The following PDE4D variants were observed in gnomAD, a reference collection of about 807,000 sequenced individuals.
PDE4D encodes phosphodiesterase 4D.
A neutral mutation model predicts 87.4 loss-of-function variants in PDE4D; 24 were observed. The observed-to-expected ratio is 0.27, with a 90% CI of 0.20 to 0.39. The LOEUF (loss-of-function observed/expected upper bound fraction) is 0.39. Ranked by LOEUF, PDE4D falls within the 10% of genes least tolerant of loss-of-function variation. The probability of loss-of-function intolerance (pLI) is 1.00; values close to 1 mark genes in which losing one functional copy is unlikely to be tolerated. For synonymous variants in PDE4D, 384 were observed against 383.2 expected (o/e 1.00, Z -0.02); for missense variants, 714 against 1,041.0 (o/e 0.69, Z 4.32).
chr5:59,560,438 T>C (rs1456868586), intron 1 of PDE4D, among the ~76,000 whole-genome samples: 1 of 152,210 alleles, frequency 6.6e-6, no homozygotes, highest in Non-Finnish European at 1.5e-5. Context: ...AACAAGTATG[T>C]ATTGAACTCC....
intron 1 of PDE4D, among the ~76,000 whole-genome samples, chr5:59,656,494 A>G (rs1744383009): frequency 6.6e-6 from 1 of 152,228 alleles, no homozygotes; most frequent in Non-Finnish European, 1.5e-5. Flanking sequence ...TCCACGTGTC[A>G]TGTGGCTGAC....
upstream of PDE4D, among the ~76,000 whole-genome samples, chr5:59,894,508 C>T (rs1208980525): frequency 1.3e-5 from 2 of 152,198 alleles, no homozygotes; most frequent in African/African-American, 2.4e-5. Flanking sequence ...AATGTTTCCT[C>T]TTGAAGATCT....
At chr5:59,815,181 G>A (rs1358222730) in intron 1 of PDE4D, among the ~76,000 whole-genome samples, 1 of 152,220 alleles carries the variant, frequency 6.6e-6, no homozygotes, top group Admixed American at 6.5e-5. Context: ...ATGTGCCACA[G>A]TCCAGGGGAA....
chr5:59,458,296 A>G (rs1582700753), intron 1 of PDE4D, among the ~76,000 whole-genome samples: 1 of 152,378 alleles, frequency 6.6e-6, no homozygotes, highest in East Asian at 1.9e-4. Flanking sequence ...CTTGCACATC[A>G]TAAGCCTTCA....
intron 2 of PDE4D, among the ~76,000 whole-genome samples, chr5:60,091,851 G>C (rs1300370571): frequency 6.6e-6 from 1 of 151,864 alleles, no homozygotes; most frequent in Non-Finnish European, 1.5e-5. Context: ...AGGAGATCGA[G>C]ACCATCCTGG....
chr5:59,177,313 G>A (rs944345301), intron 5 of PDE4D, among the ~76,000 whole-genome samples: 3 of 152,156 alleles, frequency 2.0e-5, no homozygotes, highest in African/African-American at 7.2e-5. Flanking sequence ...AATTTGTGTT[G>A]TCTATAAGCC....
chr5:59,835,060 A>C (rs567946595), intron 1 of PDE4D, among the ~76,000 whole-genome samples: 108 of 152,220 alleles, frequency 7.1e-4, no homozygotes, highest in Non-Finnish European at 1.3e-3. Flanking sequence ...TGAACAGAGC[A>C]ATGCAATTTA....
intron 1 of PDE4D, among the ~76,000 whole-genome samples, chr5:60,312,714 C>T (rs1029327710): frequency 6.6e-6 from 1 of 152,158 alleles, no homozygotes; most frequent in Non-Finnish European, 1.5e-5. Context: ...AATTACAACT[C>T]AAGGCAAGAT....
intron 1 of PDE4D, among the ~76,000 whole-genome samples, chr5:59,243,967 T>G (rs1163013281): frequency 6.6e-6 from 1 of 152,036 alleles, no homozygotes; most frequent in Non-Finnish European, 1.5e-5. Flanking sequence ...AGAGGAAAAT[T>G]TAAAATGCCC....
chr5:59,116,627 A>G (rs1331459140), intron 5 of PDE4D, among the ~76,000 whole-genome samples: 1 of 152,212 alleles, frequency 6.6e-6, no homozygotes, highest in African/African-American at 2.4e-5. Context: ...GTCAAAAGGA[A>G]GATGCTCTGC....
At chr5:59,918,726 A>G (rs760550010) in intron 3 of PDE4D, among the ~76,000 whole-genome samples, 2 of 152,192 alleles carry the variant, frequency 1.3e-5, no homozygotes, top group Non-Finnish European at 2.9e-5. Flanking sequence ...AACAGCCACC[A>G]AGAAGTTGCG....
At chr5:59,045,670 G>C (rs1760505262) in intron 5 of PDE4D, among the ~76,000 whole-genome samples, 1 of 151,898 alleles carries the variant, frequency 6.6e-6, no homozygotes, top group East Asian at 1.9e-4. Flanking sequence ...TCAGCCACTG[G>C]CCATCTCAAA....
intron 1 of PDE4D, among the ~76,000 whole-genome samples, chr5:59,396,386 G>C (rs538501413): frequency 1.0e-5 from 1 of 95,812 alleles, no homozygotes; most frequent in African/African-American, 5.0e-5. Context: ...CAGATCTCTC[G>C]GCAGAAACCC....
At position 58,974,663 on chromosome 5, in the gene PDE4D, G is replaced by C. The variant is rs1460008046; in HGVS notation, c.*1C>G. 1 of 1,545,912 alleles carries C rather than the reference G, an allele frequency of 6.5e-7. No individual in the cohort carries two copies. The highest frequency in any genetic ancestry group is 8.7e-7 in the Non-Finnish European group (1 of 1,146,684). On this transcript the variant is annotated 3_prime_UTR_variant, in exon 15 of 15. Transcript: ENST00000340635. ...AAAAAGGCATGAAAGTTTTTGCACT[G>C]TTACGTGTCAGGAGAACGATCATCT...
chr5:59,168,339 A>G (rs1782210953), intron 5 of PDE4D, among the ~76,000 whole-genome samples: 2 of 152,168 alleles, frequency 1.3e-5, no homozygotes, highest in Non-Finnish European at 2.9e-5. Context: ...CTAACGCTGA[A>G]GCACTGCGTT....
At chr5:59,098,132 A>C (rs555608804) in intron 5 of PDE4D, among the ~76,000 whole-genome samples, 2 of 152,284 alleles carry the variant, frequency 1.3e-5, no homozygotes, top group South Asian at 4.1e-4. Flanking sequence ...TTTTGTACTA[A>C]ACATTGGTGG....
intron 1 of PDE4D, among the ~76,000 whole-genome samples, chr5:59,290,010 G>GA (rs995852022): frequency 3.3e-4 from 50 of 151,576 alleles, no homozygotes; most frequent in African/African-American, 1.2e-3. Flanking sequence ...AATACTAATG[G>GA]AAAAAAAGAG....
At chr5:59,895,671 C>G (rs529790672), upstream of PDE4D, among the ~76,000 whole-genome samples, 1 of 152,298 alleles carries the variant, frequency 6.6e-6, no homozygotes, top group East Asian at 1.9e-4. Context: ...CATCCAAAAC[C>G]ATTTTAAAGA....
chr5:59,776,077 GT>G (rs1406324417), intron 1 of PDE4D, among the ~76,000 whole-genome samples: 1 of 152,024 alleles, frequency 6.6e-6, no homozygotes, highest in Non-Finnish European at 1.5e-5. Context: ...CTAAACAATG[GT>G]TTCTCATAAG....
Sources: gnomAD v4.1 joint callset for allele counts (sites outside exome capture counted in the v4.1 genomes callset) on GRCh38, gnomAD v4.1.1 for gene constraint, MANE v1.5 for transcripts, NCBI Gene and HGNC (gene_info 2026-07-23, HGNC 2026-07-21) for gene names.